The following ECT2L variants were observed in gnomAD, a reference collection of about 807,000 sequenced individuals.
ECT2L encodes epithelial cell-transforming sequence 2 oncogene-like.
Under a neutral mutation model 122.8 loss-of-function variants are expected in ECT2L, and 126 were observed. That is an observed-to-expected ratio of 1.03 (90% CI 0.89 to 1.19). The LOEUF is 1.19. Ranked by LOEUF, ECT2L falls within the 50% of genes most tolerant of loss-of-function variation. The pLI is 0.00. For missense variants in ECT2L, 1,012 were observed against 1,064.1 expected, an observed-to-expected ratio of 0.95 and a Z score of 0.68; for synonymous variants, 385 against 381.8, an observed-to-expected ratio of 1.01 and a Z score of -0.10.
chr6:138,890,492 C>CTTTTTTT (rs552594959), intron 20 of ECT2L, among the ~76,000 whole-genome samples: 1,418 of 78,836 alleles, frequency 0.018, 160 homozygotes, highest in South Asian at 0.033. Context: ...TTTCTTTGAT[C>CTTTTTTT]TTTTTTTTTT....
intron 6 of ECT2L, 23 bp from the exon 7 acceptor site, chr6:138,844,388 CG>C: frequency 3.7e-6 from 6 of 1,609,870 alleles, no homozygotes; most frequent in Non-Finnish European, 3.4e-6. Flanking sequence ...TAATCAGCCC[CG>C]CCTGCTGTTC....
At chr6:138,885,427 T>G in intron 16 of ECT2L, 79 bp from the exon 17 acceptor site, 1 of 1,415,200 alleles carries the variant, frequency 7.1e-7, no homozygotes, top group Non-Finnish European at 9.9e-7. Flanking sequence ...AGGCATTCCA[T>G]AGATCATGCT....
chr6:138,872,410 T>C (rs1359216546), intron 13 of ECT2L, among the ~76,000 whole-genome samples: 1 of 152,112 alleles, frequency 6.6e-6, no homozygotes, highest in Non-Finnish European at 1.5e-5. Context: ...CACAAATAGG[T>C]GGTGCAGCAT....
In ECT2L at chr6:138,890,492, CTTTTTTTTTTTTTTTTTT is replaced by C. The variant is rs552594959; in HGVS notation, c.2414+1472_2414+1489del. ...TCATGACATTTTTGTTTTCTTTGAT[CTTTTTTTTTTTTTTTTTT>C]TTTTTTTTTTGGTCAGTAGCAATAG... is the stretch of plus-strand genomic sequence containing the variant. On this transcript the variant is annotated intron_variant, in intron 20 of 21. Coordinates refer to ENST00000541398, the MANE Select transcript of ECT2L (RefSeq NM_001077706.3). Among the ~76,000 whole-genome samples the C allele has an allele frequency of 5.1e-5, 4 of 78,990 alleles. No homozygotes were observed. In the East Asian group the frequency reaches 1.9e-3, roughly 38 times the overall value. 51.8% of individuals were successfully genotyped at this position (78,990 alleles called of 152,430 possible).
intron 1 of ECT2L, among the ~76,000 whole-genome samples, chr6:138,800,362 G>A (rs534977552): frequency 4.6e-5 from 7 of 152,310 alleles, no homozygotes; most frequent in African/African-American, 1.4e-4. Flanking sequence ...ACACAGAAAG[G>A]ATGGAAAATG....
chr6:138,903,313 T>C lies in ECT2L; in HGVS notation c.*686T>C, dbSNP rs1779470078. On this transcript the variant is annotated 3_prime_UTR_variant, in exon 22 of 22. Coordinates refer to ENST00000541398, the MANE Select transcript of ECT2L (RefSeq NM_001077706.3). Reference sequence around the variant, plus strand: ...AGTCGGAGGTTGTAGTAAGCTGAGATGGCTCCATTGCACTTCAGCCTGGGT... The same window carrying C: ...AGTCGGAGGTTGTAGTAAGCTGAGACGGCTCCATTGCACTTCAGCCTGGGT... The C allele has an allele frequency of 6.6e-6, 1 of 151,268 alleles. No individual in the cohort carries two copies. The highest frequency in any genetic ancestry group is 6.6e-5 in the Admixed American group (1 of 15,120). 9.4% of individuals were successfully genotyped at this position (151,268 alleles called of 1,614,324 possible).
chr6:138,842,167 C>T (rs750442400), intron 5 of ECT2L, among the ~76,000 whole-genome samples: 3 of 152,106 alleles, frequency 2.0e-5, no homozygotes, highest in Non-Finnish European at 2.9e-5. Flanking sequence ...CATTTAAAAA[C>T]GTTATATCTG....
chr6:138,843,788 C>T (rs1455458304), intron 6 of ECT2L, among the ~76,000 whole-genome samples: 1 of 152,162 alleles, frequency 6.6e-6, no homozygotes, highest in Non-Finnish European at 1.5e-5. Flanking sequence ...TTCTGAGGCT[C>T]AAGTGATCCT....
chr6:138,895,562 CAT>C (rs139742492), intron 20 of ECT2L, among the ~76,000 whole-genome samples: 1 of 151,410 alleles, frequency 6.6e-6, no homozygotes, highest in Non-Finnish European at 1.5e-5. Context: ...AATTACTAAA[CAT>C]ATATATATAT....
chr6:138,882,982 C>G, intron 16 of ECT2L, 111 bp downstream of exon 16: 1 of 1,162,680 alleles, frequency 8.6e-7, no homozygotes, highest in Admixed American at 2.4e-5. Flanking sequence ...TCTTAGCTCC[C>G]AGCTGTCTTC....
intron 1 of ECT2L, among the ~76,000 whole-genome samples, chr6:138,801,405 T>G (rs558627321): frequency 1.2e-3 from 186 of 152,250 alleles, no homozygotes; most frequent in African/African-American, 4.0e-3. Flanking sequence ...ATTTTTTGCT[T>G]TCTGAGCCAT....
At chr6:138,797,803 G>A (rs1034197055) in intron 1 of ECT2L, among the ~76,000 whole-genome samples, 7 of 151,954 alleles carry the variant, frequency 4.6e-5, no homozygotes, top group Non-Finnish European at 1.0e-4. Context: ...TTCTGACACT[G>A]TGTACCTGGA....
intron 5 of ECT2L, among the ~76,000 whole-genome samples, chr6:138,841,770 T>C (rs1298846882): frequency 6.6e-6 from 1 of 152,232 alleles, no homozygotes; most frequent in Non-Finnish European, 1.5e-5. Flanking sequence ...AACAAGTCCT[T>C]ATTGCATTGA....
chr6:138,827,395 G>A (rs548494028), intron 4 of ECT2L, among the ~76,000 whole-genome samples: 1 of 152,004 alleles, frequency 6.6e-6, no homozygotes, highest in African/African-American at 2.4e-5. Flanking sequence ...CCAGTCTCAG[G>A]TATTTCTTTA....
chr6:138,871,692 G>C (rs1284732915), intron 13 of ECT2L, among the ~76,000 whole-genome samples: 2 of 152,126 alleles, frequency 1.3e-5, no homozygotes, highest in African/African-American at 2.4e-5. Context: ...TGTAGTTCCA[G>C]CTACTTGGGA....
At chr6:138,885,912 CTTAT>C in intron 18 of ECT2L, 82 bp downstream of exon 18, 1 of 1,376,584 alleles carries the variant, frequency 7.3e-7, no homozygotes, top group Non-Finnish European at 1.0e-6. Flanking sequence ...CCTGAGACAC[CTTAT>C]CTTCTTGTGG....
intron 1 of ECT2L, among the ~76,000 whole-genome samples, chr6:138,805,521 G>C (rs1775685232): frequency 6.6e-6 from 1 of 152,156 alleles, no homozygotes; most frequent in Non-Finnish European, 1.5e-5. Flanking sequence ...CAATTCTATG[G>C]GTTGGCTGGC....
At chr6:138,887,586 G>A (rs528087159) in intron 19 of ECT2L, among the ~76,000 whole-genome samples, 17 of 152,228 alleles carry the variant, frequency 1.1e-4, no homozygotes, top group African/African-American at 3.9e-4. Context: ...GCACCCTGAT[G>A]GTATCTGAAC....
chr6:138,829,215 C>G (rs1209955142), intron 4 of ECT2L, among the ~76,000 whole-genome samples: 1 of 152,036 alleles, frequency 6.6e-6, no homozygotes, highest in Non-Finnish European at 1.5e-5. Flanking sequence ...CTCGTCTTGT[C>G]CTTTTCCTGC....
Sources: allele counts gnomAD v4.1 joint callset (sites outside exome capture counted in the v4.1 genomes callset), GRCh38; gene constraint gnomAD v4.1.1; transcripts MANE v1.5; gene names NCBI Gene and HGNC (gene_info 2026-07-23, HGNC 2026-07-21).